The following SLC8A1 variants were observed in gnomAD, a reference collection of about 807,000 sequenced individuals.
SLC8A1 encodes the protein solute carrier family 8 member A1.
SLC8A1 carries 18 observed loss-of-function variants against 68.3 expected under a neutral mutation model. The observed-to-expected ratio is 0.26, with a 90% CI of 0.18 to 0.39. The LOEUF (loss-of-function observed/expected upper bound fraction) is 0.39. Among genes scored for constraint, SLC8A1 ranks in the 10% least tolerant of loss-of-function variants. SLC8A1 has a pLI of 1.00. For missense variants in SLC8A1, 985 were observed against 1,156.7 expected, an observed-to-expected ratio of 0.85 and a Z score of 2.15; for synonymous variants, 475 against 415.5, an observed-to-expected ratio of 1.14 and a Z score of -1.74.
chr2:40,142,930 C>T (rs1053361275), intron 6 of SLC8A1, among the ~76,000 whole-genome samples: 4 of 149,842 alleles, frequency 2.7e-5, no homozygotes, highest in African/African-American at 7.4e-5. Context: ...TCAATTAATG[C>T]AAAATGTGTG....
intron 2 of SLC8A1, among the ~76,000 whole-genome samples, chr2:40,181,504 G>T (rs939364043): frequency 1.3e-5 from 2 of 152,180 alleles, no homozygotes; most frequent in Non-Finnish European, 2.9e-5. Flanking sequence ...GATGGAATTT[G>T]CATAATGGCA....
intron 2 of SLC8A1, among the ~76,000 whole-genome samples, chr2:40,222,577 T>G (rs1044487303): frequency 6.6e-6 from 1 of 151,880 alleles, no homozygotes; most frequent in Non-Finnish European, 1.5e-5. Context: ...ACTATCAGAG[T>G]GAACAGGCAA....
intron 2 of SLC8A1, among the ~76,000 whole-genome samples, chr2:40,255,464 C>T (rs1041514440): frequency 2.3e-4 from 35 of 152,290 alleles, no homozygotes; most frequent in African/African-American, 7.9e-4. Context: ...GTACAGAGAA[C>T]ATCTCCACTA....
chr2:40,281,942 T>G (rs2067589430), intron 2 of SLC8A1, among the ~76,000 whole-genome samples: 1 of 152,180 alleles, frequency 6.6e-6, no homozygotes, highest in Non-Finnish European at 1.5e-5. Context: ...CCTAATCTAA[T>G]ACTCAAAGTT....
At chr2:40,369,691 T>C (rs1483009191) in intron 2 of SLC8A1, among the ~76,000 whole-genome samples, 1 of 152,102 alleles carries the variant, frequency 6.6e-6, no homozygotes, top group Non-Finnish European at 1.5e-5. Context: ...GGGAGCAACA[T>C]TCTGGCAAGT....
chr2:40,290,258 GA>G (rs148661975), intron 2 of SLC8A1, among the ~76,000 whole-genome samples: 295 of 141,378 alleles, frequency 2.1e-3, no homozygotes, highest in South Asian at 4.8e-3. Context: ...AACTGCAGCT[GA>G]AAAAAAAAAA....
intron 2 of SLC8A1, among the ~76,000 whole-genome samples, chr2:40,287,617 T>TGTGTGTGTGTGTGTGTGTGTGC (rs1316566001): frequency 2.7e-5 from 4 of 149,070 alleles, no homozygotes; most frequent in Non-Finnish European, 5.9e-5. Flanking sequence ...TGTGTGTGTG[T>TGTGTGTGTGTGTGTGTGTGTGC]GTGCATGCAG....
intron 2 of SLC8A1, among the ~76,000 whole-genome samples, chr2:40,281,855 G>A (rs2067573341): frequency 6.6e-6 from 1 of 152,202 alleles, no homozygotes; most frequent in Non-Finnish European, 1.5e-5. Context: ...CTCAGGAAGT[G>A]ATTCTTCATC....
chr2:40,493,623 A>T (rs1276376182), intron 1 of SLC8A1, among the ~76,000 whole-genome samples: 1 of 150,376 alleles, frequency 6.6e-6, no homozygotes, highest in Non-Finnish European at 1.5e-5. Context: ...TTCTCCCTCT[A>T]TTACAATCCG....
chr2:40,374,796 C>T (rs1174414989), intron 2 of SLC8A1, among the ~76,000 whole-genome samples: 1 of 151,962 alleles, frequency 6.6e-6, no homozygotes, highest in Non-Finnish European at 1.5e-5. Context: ...TGATAATAAA[C>T]CATTTCAACT....
chr2:40,177,269 C>G (rs887361798), intron 3 of SLC8A1, among the ~76,000 whole-genome samples: 2 of 152,066 alleles, frequency 1.3e-5, no homozygotes, highest in Non-Finnish European at 2.9e-5. Context: ...TCCAAAGAAG[C>G]CTAATTATTT....
At chr2:40,499,828 CT>C (rs1310322262) in intron 1 of SLC8A1, among the ~76,000 whole-genome samples, 5 of 152,106 alleles carry the variant, frequency 3.3e-5, no homozygotes, top group Admixed American at 3.3e-4. Context: ...GGAACACAGT[CT>C]TTGCCTCTCA....
chr2:40,382,733 C>G (rs1057115050), intron 2 of SLC8A1, among the ~76,000 whole-genome samples: 1 of 151,960 alleles, frequency 6.6e-6, no homozygotes. Context: ...ACTGGTGGAC[C>G]TTTGCTTAAA....
intron 1 of SLC8A1, among the ~76,000 whole-genome samples, chr2:40,470,317 T>A (rs1223764947): frequency 6.6e-6 from 1 of 152,072 alleles, no homozygotes; most frequent in Non-Finnish European, 1.5e-5. Context: ...AAGCATAGCC[T>A]TAGAATAATT....
At chr2:40,303,513 T>A (rs1411663102) in intron 2 of SLC8A1, among the ~76,000 whole-genome samples, 1 of 152,194 alleles carries the variant, frequency 6.6e-6, no homozygotes, top group Non-Finnish European at 1.5e-5. Context: ...CTAACTTGAC[T>A]TTGTCTTTCT....
chr2:40,266,478 G>A (rs1431928548), intron 2 of SLC8A1, among the ~76,000 whole-genome samples: 1 of 152,178 alleles, frequency 6.6e-6, no homozygotes, highest in Non-Finnish European at 1.5e-5. Context: ...AGATAGAGTA[G>A]AGACTATTCT....
chr2:40,472,711 G>T (rs1461142970), intron 1 of SLC8A1, among the ~76,000 whole-genome samples: 1 of 151,998 alleles, frequency 6.6e-6, no homozygotes, highest in Non-Finnish European at 1.5e-5. Flanking sequence ...CCCATTCTAG[G>T]TGCTGCCAAT....
At chr2:40,196,102 T>TG (rs1015158041) in intron 2 of SLC8A1, among the ~76,000 whole-genome samples, 1 of 107,766 alleles carries the variant, frequency 9.3e-6, no homozygotes, top group African/African-American at 3.6e-5. Flanking sequence ...TTTATGGGGG[T>TG]GGGGGGAAGG....
chr2:40,399,827 T>C (rs1379861420), intron 2 of SLC8A1, among the ~76,000 whole-genome samples: 1 of 152,174 alleles, frequency 6.6e-6, no homozygotes, highest in Admixed American at 6.5e-5. Flanking sequence ...ACCCCTCATA[T>C]TGCCTTATGC....
Sources: gnomAD v4.1 joint callset for allele counts (sites outside exome capture counted in the v4.1 genomes callset) on GRCh38, gnomAD v4.1.1 for gene constraint, MANE v1.5 for transcripts, NCBI Gene and HGNC (gene_info 2026-07-23, HGNC 2026-07-21) for gene names.